Variants in CCSER1 observed in about 807,000 individuals in gnomAD.
CCSER1 encodes coiled-coil serine rich protein 1.
In CCSER1, 41 loss-of-function variants were observed where a neutral mutation model predicts 82.0. That is an observed-to-expected ratio of 0.50 (90% CI 0.39 to 0.65). The LOEUF is 0.65. Ranked by LOEUF, CCSER1 falls within the 30% of genes least tolerant of loss-of-function variation. The probability of loss-of-function intolerance (pLI) is 0.00; values close to 1 mark genes in which losing one functional copy is unlikely to be tolerated. For synonymous variants in CCSER1, 414 were observed against 383.9 expected, an observed-to-expected ratio of 1.08 and a Z score of -0.92; for missense variants, 1,119 against 1,064.2, an observed-to-expected ratio of 1.05 and a Z score of -0.72.
At chr4:90,830,783 A>G (rs998017713) in intron 8 of CCSER1, among the ~76,000 whole-genome samples, 1 of 152,128 alleles carries the variant, frequency 6.6e-6, no homozygotes, top group Admixed American at 6.6e-5. Context: ...ACTTTTGTTA[A>G]TTGTCCTTGG....
intron 9 of CCSER1, among the ~76,000 whole-genome samples, chr4:91,040,791 G>T (rs1222117526): frequency 6.6e-6 from 1 of 152,190 alleles, no homozygotes; most frequent in African/African-American, 2.4e-5. Context: ...TCAGGATGGA[G>T]CCACATTCCT....
intron 9 of CCSER1, among the ~76,000 whole-genome samples, chr4:90,933,741 G>T (rs1309485934): frequency 6.6e-6 from 1 of 150,840 alleles, no homozygotes; most frequent in Non-Finnish European, 1.5e-5. Flanking sequence ...TCATATAAAT[G>T]CTGGATTATG....
At chr4:90,388,542 T>C (rs748284768) in intron 3 of CCSER1, among the ~76,000 whole-genome samples, 38 of 152,262 alleles carry the variant, frequency 2.5e-4, no homozygotes, top group Non-Finnish European at 5.1e-4. Flanking sequence ...ACTCCTGACC[T>C]CAGGAGATCC....
At chr4:90,441,509 G>T (rs899720508) in intron 4 of CCSER1, among the ~76,000 whole-genome samples, 1 of 151,782 alleles carries the variant, frequency 6.6e-6, no homozygotes, top group South Asian at 2.1e-4. Context: ...CACCATAAGA[G>T]CCCCAACTTT....
At chr4:91,199,152 C>T (rs1055032111) in intron 10 of CCSER1, among the ~76,000 whole-genome samples, 3 of 152,090 alleles carry the variant, frequency 2.0e-5, no homozygotes, top group African/African-American at 7.2e-5. Flanking sequence ...TTTATTAGCT[C>T]TAGCCTATAT....
chr4:91,414,806 T>C (rs981397716), intron 10 of CCSER1, among the ~76,000 whole-genome samples: 3 of 152,044 alleles, frequency 2.0e-5, no homozygotes, highest in African/African-American at 7.2e-5. Flanking sequence ...AAATATCACA[T>C]GAGAAACAAA....
At chr4:90,242,781 A>C (rs1185164320) in intron 1 of CCSER1, among the ~76,000 whole-genome samples, 5 of 152,232 alleles carry the variant, frequency 3.3e-5, no homozygotes, top group African/African-American at 1.2e-4. Flanking sequence ...TAAGATACAA[A>C]TTATTCAGGA....
intron 5 of CCSER1, among the ~76,000 whole-genome samples, chr4:90,493,596 G>T (rs902010445): frequency 1.2e-4 from 18 of 152,262 alleles, no homozygotes; most frequent in Admixed American, 2.0e-4. Context: ...AGAAGAGAGT[G>T]GGATCCAATA....
At chr4:90,869,647 A>G (rs1580852609) in intron 8 of CCSER1, among the ~76,000 whole-genome samples, 1 of 151,390 alleles carries the variant, frequency 6.6e-6, no homozygotes, top group African/African-American at 2.4e-5. Context: ...TGATTCCTCC[A>G]GTTTTGCTCT....
chr4:91,155,266 G>T (rs1730700860), intron 10 of CCSER1, among the ~76,000 whole-genome samples: 1 of 151,846 alleles, frequency 6.6e-6, no homozygotes, highest in African/African-American at 2.4e-5. Context: ...TGCTGTTCTT[G>T]TGATACTGAA....
intron 10 of CCSER1, among the ~76,000 whole-genome samples, chr4:91,485,346 T>C (rs1342466151): frequency 6.6e-6 from 1 of 152,180 alleles, no homozygotes; most frequent in Non-Finnish European, 1.5e-5. Context: ...TTATGACAGA[T>C]TTATGCTACG....
intron 10 of CCSER1, among the ~76,000 whole-genome samples, chr4:91,445,871 T>C (rs1345108115): frequency 1.3e-5 from 2 of 152,114 alleles, no homozygotes; most frequent in African/African-American, 4.8e-5. Context: ...GTGGGTTTTT[T>C]TTTCTTTATC....
chr4:91,273,845 C>G (rs1742222652), intron 10 of CCSER1, among the ~76,000 whole-genome samples: 1 of 152,278 alleles, frequency 6.6e-6, no homozygotes, highest in Admixed American at 6.5e-5. Context: ...GCCTTGTCTT[C>G]ATCTATTGAG....
chr4:91,261,532 T>A (rs1741130452), intron 10 of CCSER1, among the ~76,000 whole-genome samples: 1 of 152,224 alleles, frequency 6.6e-6, no homozygotes, highest in Non-Finnish European at 1.5e-5. Context: ...GCTGTGTACG[T>A]AATAATCTTG....
At chr4:91,178,456 G>A (rs946884264) in intron 10 of CCSER1, among the ~76,000 whole-genome samples, 4 of 152,042 alleles carry the variant, frequency 2.6e-5, no homozygotes, top group African/African-American at 9.7e-5. Flanking sequence ...TCTCTTTGTA[G>A]GTCACTAAGG....
intron 10 of CCSER1, among the ~76,000 whole-genome samples, chr4:91,538,700 T>C (rs959366258): frequency 2.1e-5 from 3 of 144,206 alleles, no homozygotes; most frequent in Non-Finnish European, 3.0e-5. Context: ...TATATACACA[T>C]ATATATATAT....
At chr4:90,724,684 T>C (rs752601466) in intron 7 of CCSER1, 2 of 360,654 alleles carry the variant, frequency 5.5e-6, no homozygotes, top group African/African-American at 4.3e-5. Context: ...CTTAAGAGCC[T>C]GAGGAAAAAA....
chr4:90,161,006 A>G (rs116404952), intron 1 of CCSER1, among the ~76,000 whole-genome samples: 2,178 of 152,262 alleles, frequency 0.014, 51 homozygotes, highest in South Asian at 0.045. Flanking sequence ...CAGCTGCCAA[A>G]AAGATAAGCT....
At chr4:91,058,448 T>TA (rs1231535946) in intron 9 of CCSER1, among the ~76,000 whole-genome samples, 8 of 152,168 alleles carry the variant, frequency 5.3e-5, no homozygotes, top group Non-Finnish European at 1.0e-4. Context: ...TGTTTTCTGC[T>TA]AAATAGCTAC....
Sources: gnomAD v4.1 joint callset for allele counts (sites outside exome capture counted in the v4.1 genomes callset) on GRCh38, gnomAD v4.1.1 for gene constraint, MANE v1.5 for transcripts, NCBI Gene and HGNC (gene_info 2026-07-23, HGNC 2026-07-21) for gene names.